EIF4E3: variants seen among roughly 807,000 people sequenced by gnomAD.
EIF4E3 encodes the protein eukaryotic translation initiation factor 4E family member 3.
EIF4E3 carries 26 observed loss-of-function variants against 31.7 expected under a neutral mutation model. The observed-to-expected ratio is 0.82, with a 90% CI of 0.60 to 1.14. EIF4E3 has a LOEUF of 1.14. EIF4E3 is among the 50% of genes most tolerant of loss of function. The probability of loss-of-function intolerance (pLI) is 0.00; values close to 1 mark genes in which losing one functional copy is unlikely to be tolerated. For missense variants in EIF4E3, 304 were observed against 270.9 expected, an observed-to-expected ratio of 1.12 and a Z score of -0.86; for synonymous variants, 128 against 107.7, an observed-to-expected ratio of 1.19 and a Z score of -1.17.
downstream of EIF4E3, among the ~76,000 whole-genome samples, chr3:71,672,193 C>T (rs1012093696): frequency 3.3e-5 from 5 of 152,004 alleles, no homozygotes; most frequent in Non-Finnish European, 7.4e-5. Flanking sequence ...CTTAACCAAA[C>T]GTGGGCTCTC....
chr3:71,678,730 A>T lies in EIF4E3; in HGVS notation c.*5952T>A, dbSNP rs1183256101. On this transcript the variant is annotated 3_prime_UTR_variant, in exon 7 of 7. Transcript: ENST00000425534. ...CTGCACAGGGCACAGATGGTATAAA[A>T]TAGGGGGGTGGGGGCACAAGCAGAT... is the stretch of plus-strand genomic sequence containing the variant. The T allele has an allele frequency of 2.0e-5, 3 of 152,086 alleles. No homozygotes were observed. The highest frequency in any genetic ancestry group is 4.4e-5 in the Non-Finnish European group (3 of 68,132). 9.4% of individuals were successfully genotyped at this position (152,086 alleles called of 1,614,324 possible).
chr3:71,665,347 C>T, the EIF4E3 span, among the ~76,000 whole-genome samples: 11 of 152,272 alleles, frequency 7.2e-5, no homozygotes, highest in South Asian at 2.1e-4. Flanking sequence ...ATGAAAGCCA[C>T]GCTGGTTAGT....
intron 1 of EIF4E3, among the ~76,000 whole-genome samples, chr3:71,714,329 A>AAAG (rs112930216): frequency 0.021 from 3,230 of 151,842 alleles, 104 homozygotes; most frequent in African/African-American, 0.067. Flanking sequence ...GGAAAGAAAG[A>AAAG]AAGAAAGAGA....
chr3:71,735,357 T>C (rs2049752219), intron 1 of EIF4E3, among the ~76,000 whole-genome samples: 1 of 152,196 alleles, frequency 6.6e-6, no homozygotes, highest in Non-Finnish European at 1.5e-5. Context: ...TCCTATGATA[T>C]AAATCTATTG....
At chr3:71,738,768 G>C (rs1284206491) in intron 1 of EIF4E3, among the ~76,000 whole-genome samples, 2 of 151,734 alleles carry the variant, frequency 1.3e-5, no homozygotes, top group Non-Finnish European at 2.9e-5. Flanking sequence ...ACATCAGCAA[G>C]GATATACAAG....
At chr3:71,693,495 GA>G (rs2049091317) in intron 5 of EIF4E3, among the ~76,000 whole-genome samples, 1 of 152,122 alleles carries the variant, frequency 6.6e-6, no homozygotes, top group South Asian at 2.1e-4. Flanking sequence ...TCCCCTTCTG[GA>G]AGAACTGGAA....
chr3:71,673,928 TATAA>T (rs72290880), downstream of EIF4E3, among the ~76,000 whole-genome samples: 9,350 of 142,746 alleles, frequency 0.066, 713 homozygotes, highest in East Asian at 0.42. Context: ...TATATATATA[TATAA>T]AAAACATAAT....
At chr3:71,688,977 C>T (rs1266671079) in intron 6 of EIF4E3, among the ~76,000 whole-genome samples, 1 of 152,142 alleles carries the variant, frequency 6.6e-6, no homozygotes, top group African/African-American at 2.4e-5. Context: ...TACTAGGATA[C>T]TCACAAAACA....
At position 71,684,467 on chromosome 3, in the gene EIF4E3, T is replaced by C. The variant is rs1368252098; in HGVS notation, c.*215A>G. On this transcript the variant is annotated 3_prime_UTR_variant, in exon 7 of 7. Coordinates refer to ENST00000425534, the MANE Select transcript of EIF4E3 (RefSeq NM_001134651.2). ...AAAAAAAAAGTTTTTTGTGTGTGTT[T>C]TTTTTAAAAAGCAAGTAATGTGACG... 1 of 408,052 alleles carries C rather than the reference T, an allele frequency of 2.5e-6. No individual in the cohort carries two copies. Among genetic ancestry groups the C allele is most frequent in the Non-Finnish European group, 4.3e-6 (1 of 233,340 alleles). The allele number at this position is 408,052 out of a possible 1,614,324, so 25.3% of individuals were successfully genotyped here. A position where few individuals can be genotyped will look rare whatever the true frequency, so the allele number is the denominator to read the frequency against.
At position 71,695,671 on chromosome 3, in the gene EIF4E3, T is replaced by C. The variant is rs140443732; in HGVS notation, c.405+789A>G. On this transcript the variant is annotated intron_variant, in intron 4 of 6. Coordinates refer to ENST00000425534, the MANE Select transcript of EIF4E3 (RefSeq NM_001134651.2). The stretch of plus-strand genomic sequence containing the variant: ...GGTCGTGTCTTTAGGTATGTTCTTA[T>C]AGTAAAATGACTCCAGCTCAAGCAT... Among the ~76,000 whole-genome samples, 7 of 152,324 alleles carry C rather than the reference T, an allele frequency of 4.6e-5. No homozygotes were observed. The East Asian group carries it at 9.6e-4, about 21-fold the overall frequency.
At chr3:71,749,274 T>C (rs1278706053) in intron 1 of EIF4E3, among the ~76,000 whole-genome samples, 2 of 152,202 alleles carry the variant, frequency 1.3e-5, no homozygotes, top group Non-Finnish European at 2.9e-5. Flanking sequence ...CAACTACCAC[T>C]AATGCACAGC....
intron 6 of EIF4E3, among the ~76,000 whole-genome samples, chr3:71,684,993 G>C (rs1199867198): frequency 6.6e-6 from 1 of 152,206 alleles, no homozygotes; most frequent in Non-Finnish European, 1.5e-5. Context: ...GGGAGGATGA[G>C]TCATCTCAGC....
chr3:71,685,013 AAG>A (rs2108007608), intron 6 of EIF4E3, among the ~76,000 whole-genome samples: 1 of 152,336 alleles, frequency 6.6e-6, no homozygotes, highest in East Asian at 1.9e-4. Flanking sequence ...CAAGCCGATG[AAG>A]AGAGTATGTT....
chr3:71,723,739 A>C (rs960640199), intron 1 of EIF4E3, among the ~76,000 whole-genome samples: 16 of 152,202 alleles, frequency 1.1e-4, no homozygotes, highest in African/African-American at 3.6e-4. Context: ...GTTGCAGCAC[A>C]CCTATGAAAA....
rs1201359487 is a variant in EIF4E3 at position 71,682,210 on chromosome 3, A to G, written c.*2472T>C. On this transcript the variant is annotated 3_prime_UTR_variant, in exon 7 of 7. Transcript: ENST00000425534. ...GTTTCAATCAGATTTCCTGGCATAT[A>G]TCACAGACCCTAAGGAATTACAAAG... The G allele has an allele frequency of 6.6e-6, 1 of 152,258 alleles. No homozygotes were observed. Among genetic ancestry groups the G allele is most frequent in the Non-Finnish European group, 1.5e-5 (1 of 68,046 alleles). 9.4% of individuals were successfully genotyped at this position (152,258 alleles called of 1,614,324 possible).
Position 71,699,717 on chromosome 3 carries a change from G to A in EIF4E3, c.250-9C>T, listed in dbSNP as rs755924742. Reference sequence around the variant, plus strand: ...TATACACTCCAAAATATCTTTAAAAGAAAAACAAACACTTTGTTTAATATA... The same window carrying A: ...TATACACTCCAAAATATCTTTAAAAAAAAAACAAACACTTTGTTTAATATA... On this transcript the variant is annotated splice_polypyrimidine_tract_variant and intron_variant, in intron 2 of 6. Coordinates refer to ENST00000425534, the MANE Select transcript of EIF4E3 (RefSeq NM_001134651.2). 3.1e-6 allele frequency: 5 copies of A among 1,606,100 alleles called. No individual in the cohort carries two copies. In the South Asian group the frequency reaches 5.5e-5, roughly 18 times the overall value.
chr3:71,721,714 G>T (rs903123504), intron 1 of EIF4E3, among the ~76,000 whole-genome samples: 2 of 152,176 alleles, frequency 1.3e-5, no homozygotes, highest in Non-Finnish European at 2.9e-5. Flanking sequence ...TACCATGATT[G>T]TAAGTTTCCT....
At chr3:71,752,001 TCA>T (rs998676064) in intron 1 of EIF4E3, among the ~76,000 whole-genome samples, 6 of 152,284 alleles carry the variant, frequency 3.9e-5, no homozygotes, top group African/African-American at 1.4e-4. Context: ...CTATTTTCTA[TCA>T]ACATACATTT....
chr3:71,722,260 T>C (rs2049563176), intron 1 of EIF4E3, among the ~76,000 whole-genome samples: 1 of 152,188 alleles, frequency 6.6e-6, no homozygotes, highest in Non-Finnish European at 1.5e-5. Context: ...AGTCTGGTTG[T>C]GTATTACATT....
Sources: allele counts gnomAD v4.1 joint callset (sites outside exome capture counted in the v4.1 genomes callset), GRCh38; gene constraint gnomAD v4.1.1; transcripts MANE v1.5; gene names NCBI Gene and HGNC (gene_info 2026-07-23, HGNC 2026-07-21).